Variants in BTN3A3 observed in about 807,000 individuals in gnomAD.
BTN3A3 encodes the protein butyrophilin subfamily 3 member A3.
A neutral mutation model predicts 43.2 loss-of-function variants in BTN3A3; 39 were observed. The ratio of observed to expected loss-of-function variants is 0.90; its 90% CI spans 0.70 to 1.18. The LOEUF is 1.18. Ranked by LOEUF, BTN3A3 falls within the 50% of genes most tolerant of loss-of-function variation. The probability of loss-of-function intolerance (pLI) is 0.00; values close to 1 mark genes in which losing one functional copy is unlikely to be tolerated. For missense variants in BTN3A3, 631 were observed against 722.8 expected (o/e 0.87, Z 1.46); for synonymous variants, 255 against 272.7 (o/e 0.93, Z 0.64).
chr6:26,444,351 G>C (rs558450511), intron 4 of BTN3A3, 47 bp downstream of exon 4: 4 of 1,611,894 alleles, frequency 2.5e-6, no homozygotes, highest in Non-Finnish European at 3.4e-6. Context: ...GTAGGATCTA[G>C]AGCAGATGCA....
At position 26,448,243 on chromosome 6, in the gene BTN3A3, C is replaced by T. The variant is rs199557026; in HGVS notation, c.716-5C>T. 1,729 of 1,612,858 alleles carry T rather than the reference C, an allele frequency of 1.1e-3. 3 individuals carry two copies. Among genetic ancestry groups the T allele is most frequent in the Non-Finnish European group, 1.3e-3 (1,589 of 1,179,762 alleles). On this transcript the variant is annotated splice_region_variant and splice_polypyrimidine_tract_variant and intron_variant, in intron 5 of 10. Transcript: ENST00000244519. ...TCCCATGACCCACAGCTCTCCCCTT[C>T]GCAGACCCCTTCTTCAGGAGCGCCC...
At chr6:26,442,729 G>A (rs1479311151) in intron 1 of BTN3A3, among the ~76,000 whole-genome samples, 2 of 152,198 alleles carry the variant, frequency 1.3e-5, no homozygotes, top group African/African-American at 2.4e-5. Context: ...CTGCACTCAT[G>A]CAAGTACTTT....
rs200849554 is a variant in BTN3A3 at position 26,452,105 on chromosome 6, C to T, written c.1449C>T (p.Ile483=). Residue 483 remains isoleucine (I), a synonymous_variant, in exon 11 of 11, where the codon ATC becomes ATT. Coordinates refer to ENST00000244519, the MANE Select transcript of BTN3A3 (RefSeq NM_006994.5). ...ATAATGCCACAGATGGATCTCATAT[C>T]TACACCTTTCCGCACGCCTCTTTCT... The part of the protein sequence containing the change: ...SFYNATDGSH[I]YTFPHASFSE... The T allele has an allele frequency of 1.9e-5, 30 of 1,614,144 alleles. No individual in the cohort carries two copies. In the East Asian group the frequency reaches 3.8e-4, roughly 20 times the overall value.
rs1581658014 is a variant in BTN3A3 at position 26,449,669 on chromosome 6, G to A, written c.972G>A (p.Glu324=). Residue 324 remains glutamate (E), a synonymous_variant, in exon 9 of 11, where the codon GAG becomes GAA. Transcript: ENST00000244519. ...ATCTTTCTTTCATTGTAGGTGGAGA[G>A]AAGTCTTTGGCCTATCATGGTGAGT... ...WRKIQYMARG[E]KSLAYHEWKM... is the part of the protein sequence containing the mutation. 6.2e-7 allele frequency: 1 copy of A among 1,614,234 alleles called. No homozygotes were observed. The highest frequency in any genetic ancestry group is 8.5e-7 in the Non-Finnish European group (1 of 1,180,048).
Position 26,451,677 on chromosome 6 carries a change from G to A in BTN3A3, c.1021G>A (p.Asp341Asn), listed in dbSNP as rs775823033. The A allele has an allele frequency of 1.2e-6, 2 of 1,610,286 alleles. No individual in the cohort carries two copies. Among genetic ancestry groups the A allele is most frequent in the South Asian group, 1.1e-5 (1 of 90,720 alleles). ...EWKMALFKPA[D>N]VILDPDTANA... Reference sequence around the variant, plus strand: ...ACACCTCCTCAAACTCTCTGCAGCGGATGTGATTCTGGATCCAGACACGGC... The same window carrying A: ...ACACCTCCTCAAACTCTCTGCAGCGAATGTGATTCTGGATCCAGACACGGC... The change falls in exon 11 of 11, where the codon GAT becomes AAT. Residue 341 changes from aspartate to asparagine, a missense_variant and splice_region_variant. Coordinates refer to ENST00000244519, the MANE Select transcript of BTN3A3 (RefSeq NM_006994.5).
chr6:26,443,490 GA>G (rs1298894215), intron 2 of BTN3A3, 48 bp downstream of exon 2: 1 of 1,600,594 alleles, frequency 6.2e-7, no homozygotes, highest in African/African-American at 1.3e-5. Flanking sequence ...TGGGGAAGTG[GA>G]CATTTCCATG....
chr6:26,445,667 A>G (rs199652535), intron 4 of BTN3A3, 37 bp from the exon 5 acceptor site: 1 of 1,596,936 alleles, frequency 6.3e-7, no homozygotes, highest in African/African-American at 1.3e-5. Context: ...CTGATACAGG[A>G]GCTCTCAAGA....
At position 26,443,619 on chromosome 6, in the gene BTN3A3, T is replaced by C; in HGVS notation, c.45T>C (p.His15=). 1.9e-6 allele frequency: 3 copies of C among 1,614,236 alleles called. No homozygotes were observed. The highest frequency in any genetic ancestry group is 2.5e-6 in the Non-Finnish European group (3 of 1,180,042). Reference sequence around the variant, plus strand: ...TGGCTTTCCTTCTGCTCAACTTTCATGTCTCCCTCTTCTTGGTCCAGCTGC... The same window carrying C: ...TGGCTTTCCTTCTGCTCAACTTTCACGTCTCCCTCTTCTTGGTCCAGCTGC... ...SSLAFLLLNF[H]VSLFLVQLLT... The change falls in exon 3 of 11, where the codon CAT becomes CAC. Residue 15 remains histidine, a synonymous_variant. Coordinates refer to ENST00000244519, the MANE Select transcript of BTN3A3 (RefSeq NM_006994.5).
chr6:26,452,549 TG>T lies in BTN3A3; in HGVS notation c.*141del. The T allele has an allele frequency of 1.4e-6, 1 of 740,212 alleles. No homozygotes were observed. The allele number at this position is 740,212 out of a possible 1,614,324, so 45.9% of individuals were successfully genotyped here. ...AGACATGACAAGTGAACAGCAGAGCTGGGATCTAAACAGCAATAACTAACAT... is the reference window on the plus strand; with the variant it reads ...AGACATGACAAGTGAACAGCAGAGCTGGATCTAAACAGCAATAACTAACAT... On this transcript the variant is annotated 3_prime_UTR_variant, in exon 11 of 11. Transcript: ENST00000244519.
At chr6:26,442,036 T>C (rs1485429260) in intron 1 of BTN3A3, among the ~76,000 whole-genome samples, 2 of 152,324 alleles carry the variant, frequency 1.3e-5, no homozygotes, top group East Asian at 3.9e-4. Context: ...ATGCAATATT[T>C]AGTCTGGGTC....
In BTN3A3 at chr6:26,448,255, C is replaced by T. The variant is rs1315821274; in HGVS notation, c.723C>T (p.Phe241=). ...KTASISIADP[F]FRSAQPWIAA... ...CAGCTCTCCCCTTCGCAGACCCCTT[C>T]TTCAGGAGCGCCCAGCCCTGGATCG... is the stretch of plus-strand genomic sequence containing the variant. Residue 241 remains phenylalanine, a synonymous_variant, in exon 6 of 11, where the codon TTC becomes TTT. Transcript: ENST00000244519. The T allele has an allele frequency of 5.0e-6, 8 of 1,613,436 alleles. No homozygotes were observed. In the Admixed American group the frequency reaches 1.3e-4, roughly 27 times the overall value.
intron 5 of BTN3A3, among the ~76,000 whole-genome samples, chr6:26,447,304 T>C (rs1762805536): frequency 6.6e-6 from 1 of 152,340 alleles, no homozygotes; most frequent in Non-Finnish European, 1.5e-5. Flanking sequence ...GATTCTGTTA[T>C]TTAACTTACA....
chr6:26,450,046 T>C, intron 9 of BTN3A3, 61 bp from the exon 10 acceptor site: 14 of 1,537,258 alleles, frequency 9.1e-6, no homozygotes, highest in Non-Finnish European at 1.2e-5. Flanking sequence ...GAAAGGAGAA[T>C]GGAGTGGAGA....
chr6:26,440,565 A>C lies in BTN3A3; in HGVS notation c.-150A>C, dbSNP rs1244357102. The stretch of plus-strand genomic sequence containing the variant: ...TTCTTTTTCCTTTCTTCGGAATGAG[A>C]GACTCAACCATAATAGAAAGAATGG... On this transcript the variant is annotated 5_prime_UTR_variant, in exon 1 of 11. Transcript: ENST00000244519. 6.6e-6 allele frequency: 1 copy of C among 152,240 alleles called. No homozygotes were observed. Among genetic ancestry groups the C allele is most frequent in the Non-Finnish European group, 1.5e-5 (1 of 68,048 alleles). The allele number at this position is 152,240 out of a possible 1,614,324, so 9.4% of individuals were successfully genotyped here.
chr6:26,448,309 G>A lies in BTN3A3; in HGVS notation c.777G>A (p.Ser259=), dbSNP rs368908067. 6.3e-5 allele frequency: 101 copies of A among 1,613,672 alleles called. No individual in the cohort carries two copies. The highest frequency in any genetic ancestry group is 7.5e-5 in the Non-Finnish European group (89 of 1,179,968). The part of the protein sequence containing the change: ...IAALAGTLPI[S]LLLLAGASYF... ...CCCTGGCAGGGACCCTGCCTATCTCGTTGCTGCTTCTCGCAGGAGCCAGTT... is the reference window on the plus strand; with the variant it reads ...CCCTGGCAGGGACCCTGCCTATCTCATTGCTGCTTCTCGCAGGAGCCAGTT... The change falls in exon 6 of 11, where the codon TCG becomes TCA. Residue 259 remains serine (S), a synonymous_variant. Transcript: ENST00000244519.
At position 26,444,037 on chromosome 6, in the gene BTN3A3, C is replaced by T. The variant is rs773061077; in HGVS notation, c.166C>T (p.Pro56Ser). Residue 56 changes from proline to serine, a missense_variant, in exon 4 of 11, where the codon CCG becomes TCG. Pro to Ser is a moderately conservative substitution (Grantham distance 74). This residue lies in a region of BTN3A3 where 80 missense variants were observed against 138.7 expected (regional missense o/e 0.58). Transcript: ENST00000244519. Reference protein sequence around the residue: ...EDADLPCHLFPTMSAETMELR... With the variant: ...EDADLPCHLFSTMSAETMELR... The stretch of plus-strand genomic sequence containing the variant: ...CGCTGATCTGCCCTGTCACCTGTTC[C>T]CGACCATGAGTGCAGAGACCATGGA... 1.9e-6 allele frequency: 3 copies of T among 1,613,830 alleles called. No homozygotes were observed. The African/African-American group carries it at 4.0e-5, about 22-fold the overall frequency.
rs2113846441 is a variant in BTN3A3, at chr6:26,452,200, C to T, written c.1544C>T (p.Pro515Leu). ...ACTGCCCTGACCATTTGCCCAATAC[C>T]AAAAGAAGTAGAGAGTTCCCCCGAT... ...EPTALTICPI[P>L]KEVESSPDPD... The change falls in exon 11 of 11, where the codon CCA becomes CTA. Residue 515 changes from proline to leucine, a missense_variant. Pro to Leu is a moderately conservative substitution (Grantham distance 98). Transcript: ENST00000244519. 1.2e-6 allele frequency: 2 copies of T among 1,614,088 alleles called. No homozygotes were observed. Among genetic ancestry groups the T allele is most frequent in the East Asian group, 4.5e-5 (2 of 44,872 alleles).
Position 26,451,905 on chromosome 6 carries a change from G to A in BTN3A3, c.1249G>A (p.Glu417Lys), listed in dbSNP as rs1762941645. The A allele has an allele frequency of 1.2e-6, 2 of 1,614,138 alleles. No homozygotes were observed. The highest frequency in any genetic ancestry group is 1.7e-5 in the Admixed American group (1 of 60,016). The change falls in exon 11 of 11, where the codon GAG (glutamate) becomes AAG (lysine). Residue 417 changes from glutamate to lysine, a missense_variant. Physicochemically the swap from Glu to Lys is moderately conservative, Grantham distance 56 (BLOSUM62 1). Around this residue, in one of 2 missense-constraint regions of BTN3A3, gnomAD observed 551 missense variants for 584.0 expected, o/e 0.94. Transcript: ENST00000244519. Reference protein sequence around the residue: ...WHIGVCSKNVERKKGWVKMTP... With the variant: ...WHIGVCSKNVKRKKGWVKMTP... ...TATTGGGGTATGTAGTAAGAACGTG[G>A]AGAGGAAAAAAGGTTGGGTCAAAAT...
chr6:26,448,806 CT>C (rs1762852716), intron 8 of BTN3A3, 52 bp downstream of exon 8: 1 of 1,609,244 alleles, frequency 6.2e-7, no homozygotes, highest in African/African-American at 1.3e-5. Context: ...CTATGACTCT[CT>C]TCTGCTTGGA....
Sources: allele counts gnomAD v4.1 joint callset (sites outside exome capture counted in the v4.1 genomes callset), GRCh38; gene constraint gnomAD v4.1.1; regional missense constraint gnomAD v4.1.1; transcripts MANE v1.5; gene names NCBI Gene and HGNC (gene_info 2026-07-23, HGNC 2026-07-21).